Variants in PTPRN2 observed in about 807,000 individuals in gnomAD.
PTPRN2 encodes the protein protein tyrosine phosphatase receptor type N2.
In PTPRN2, 74 loss-of-function variants were observed where a neutral mutation model predicts 118.8. The ratio of observed to expected loss-of-function variants is 0.62; its 90% CI spans 0.52 to 0.76. The LOEUF (loss-of-function observed/expected upper bound fraction) is 0.76, where lower values mean the gene tolerates loss of function less well. Ranked by LOEUF, PTPRN2 falls within the 30% of genes least tolerant of loss-of-function variation. The pLI is 0.00. For missense variants in PTPRN2, 1,481 were observed against 1,394.4 expected (o/e 1.06, Z -0.99); for synonymous variants, 641 against 608.0 (o/e 1.05, Z -0.80).
chr7:157,788,378 A>G (rs1199692754), intron 12 of PTPRN2, among the ~76,000 whole-genome samples: 9 of 150,974 alleles, frequency 6.0e-5, no homozygotes, highest in Non-Finnish European at 1.3e-4. Context: ...CCATCTCAAA[A>G]AAAAAAAAAA....
intron 3 of PTPRN2, among the ~76,000 whole-genome samples, chr7:158,271,540 T>TG (rs1014300801): frequency 3.3e-5 from 5 of 152,118 alleles, no homozygotes; most frequent in African/African-American, 1.2e-4. Context: ...CCAAGCCCCA[T>TG]GGGGCAATCC....
intron 1 of PTPRN2, among the ~76,000 whole-genome samples, chr7:158,578,809 C>G (rs990796586): frequency 2.0e-5 from 3 of 151,986 alleles, no homozygotes; most frequent in Non-Finnish European, 2.9e-5. Flanking sequence ...GTTGCCCAGG[C>G]TGCAGTGCAC....
chr7:158,342,990 A>G (rs933587134), intron 2 of PTPRN2, among the ~76,000 whole-genome samples: 2 of 152,194 alleles, frequency 1.3e-5, no homozygotes, highest in African/African-American at 4.8e-5. Flanking sequence ...TCTGCGTTGC[A>G]GTGAGCTGAG....
intron 15 of PTPRN2, among the ~76,000 whole-genome samples, chr7:157,606,097 G>A (rs139829929): frequency 0.014 from 2,175 of 152,364 alleles, 53 homozygotes; most frequent in African/African-American, 0.05. Context: ...AAAGTCCAGA[G>A]GGGGCTGAGG....
At chr7:157,654,911 C>A (rs948340421) in intron 14 of PTPRN2, among the ~76,000 whole-genome samples, 1 of 152,196 alleles carries the variant, frequency 6.6e-6, no homozygotes, top group Non-Finnish European at 1.5e-5. Context: ...GGCCCTAATA[C>A]CAAATCTCAT....
intron 11 of PTPRN2, among the ~76,000 whole-genome samples, chr7:157,955,595 A>G (rs1177360844): frequency 1.3e-5 from 2 of 152,192 alleles, no homozygotes; most frequent in East Asian, 1.9e-4. Flanking sequence ...GGGTTATCCA[A>G]GCATTTGAAG....
rs972515475 is a variant in PTPRN2 at position 157,780,113 on chromosome 7, G to A, written c.1789-97176C>T. 4.6e-5 allele frequency among the ~76,000 whole-genome samples: 7 copies of A among 152,104 alleles called. No homozygotes were observed. Among genetic ancestry groups the A allele is most frequent in the African/African-American group, 1.4e-4 (6 of 41,416 alleles). ...TTTATAATTAGGGCTCACTAGTGACGAGCAAAAGCCCGTGAAACTGTCTTT... is the reference window on the plus strand; with the variant it reads ...TTTATAATTAGGGCTCACTAGTGACAAGCAAAAGCCCGTGAAACTGTCTTT... On this transcript the variant is annotated intron_variant, in intron 12 of 22. Transcript: ENST00000389418. The surrounding 1 kb of genome is among the most constrained non-coding windows in gnomAD (Gnocchi z 4.5).
At chr7:158,282,981 G>A (rs895637871) in intron 3 of PTPRN2, among the ~76,000 whole-genome samples, 1 of 145,132 alleles carries the variant, frequency 6.9e-6, no homozygotes, top group African/African-American at 2.6e-5. Flanking sequence ...TAGACGGCTC[G>A]TCCCTCCTCA....
At chr7:158,530,688 A>G (rs921999922) in intron 1 of PTPRN2, among the ~76,000 whole-genome samples, 1 of 152,248 alleles carries the variant, frequency 6.6e-6, no homozygotes, top group Admixed American at 6.5e-5. Context: ...TTACACTAAC[A>G]TATGAAACAG....
chr7:157,751,452 C>T (rs560223477), intron 12 of PTPRN2, among the ~76,000 whole-genome samples: 1 of 152,152 alleles, frequency 6.6e-6, no homozygotes, highest in Non-Finnish European at 1.5e-5. Context: ...AGAGGCTGAG[C>T]GTGTGCAGGG....
At chr7:157,857,895 C>G (rs1471758023) in intron 12 of PTPRN2, 1 of 153,040 alleles carries the variant, frequency 6.5e-6, no homozygotes, top group Non-Finnish European at 1.5e-5. Flanking sequence ...AGCACGTGTG[C>G]CCACACAGCA....
intron 3 of PTPRN2, among the ~76,000 whole-genome samples, chr7:158,268,549 G>A (rs1267827055): frequency 2.0e-4 from 28 of 142,722 alleles, no homozygotes; most frequent in Admixed American, 3.5e-4. Flanking sequence ...CACACAGGGC[G>A]GGTGTGTAAT....
At chr7:158,219,188 C>T (rs1828166877) in intron 3 of PTPRN2, among the ~76,000 whole-genome samples, 1 of 151,948 alleles carries the variant, frequency 6.6e-6, no homozygotes, top group South Asian at 2.1e-4. Flanking sequence ...TCAAAAAAAT[C>T]CAAAGAAAAT....
chr7:158,054,073 G>C (rs1488239882), intron 11 of PTPRN2, among the ~76,000 whole-genome samples: 1 of 151,784 alleles, frequency 6.6e-6, no homozygotes, highest in Non-Finnish European at 1.5e-5. Context: ...GAGATGGAGA[G>C]ACCCCAGTGA....
intron 12 of PTPRN2, among the ~76,000 whole-genome samples, chr7:157,897,304 C>T (rs1426296619): frequency 2.6e-5 from 4 of 152,168 alleles, no homozygotes; most frequent in Non-Finnish European, 4.4e-5. Flanking sequence ...ACAGCCACCC[C>T]CGGCTGACTC....
At chr7:158,532,214 C>T (rs1485788650) in intron 1 of PTPRN2, among the ~76,000 whole-genome samples, 1 of 152,216 alleles carries the variant, frequency 6.6e-6, no homozygotes, top group African/African-American at 2.4e-5. Flanking sequence ...CCCATGCCCC[C>T]AGTGTAAAAA....
intron 14 of PTPRN2, among the ~76,000 whole-genome samples, chr7:157,651,617 G>A (rs1057338733): frequency 3.9e-5 from 6 of 152,168 alleles, no homozygotes; most frequent in African/African-American, 1.4e-4. Flanking sequence ...AGCCAGCCAG[G>A]CAGAAATGTC....
At chr7:158,516,796 T>C (rs1288696762) in intron 1 of PTPRN2, among the ~76,000 whole-genome samples, 4 of 151,534 alleles carry the variant, frequency 2.6e-5, no homozygotes, top group Non-Finnish European at 4.4e-5. Flanking sequence ...CTATTGCTCT[T>C]GGTGCTTTTC....
intron 11 of PTPRN2, among the ~76,000 whole-genome samples, chr7:158,002,759 C>T (rs1180758618): frequency 6.6e-6 from 1 of 152,178 alleles, no homozygotes; most frequent in Non-Finnish European, 1.5e-5. Context: ...AATGGACTTG[C>T]CGGGGAGGAA....
Sources: gnomAD v4.1 joint callset for allele counts (sites outside exome capture counted in the v4.1 genomes callset) on GRCh38, gnomAD v4.1.1 for gene constraint, Gnocchi (gnomAD v3.1) non-coding constraint, MANE v1.5 for transcripts, NCBI Gene and HGNC (gene_info 2026-07-23, HGNC 2026-07-21) for gene names.